GRIK1: variants seen among roughly 807,000 people sequenced by gnomAD.
The protein encoded by GRIK1 is glutamate receptor ionotropic, kainate 1.
In GRIK1, 69 loss-of-function variants were observed where a neutral mutation model predicts 105.7. The observed-to-expected ratio is 0.65, with a 90% CI of 0.54 to 0.80. The LOEUF is 0.80. GRIK1 is among the 30% of genes least tolerant of loss of function. The pLI, the probability that GRIK1 is intolerant of heterozygous loss-of-function variation, is 0.00. For missense variants in GRIK1, 1,109 were observed against 1,167.3 expected (o/e 0.95, Z 0.73); for synonymous variants, 438 against 431.3 (o/e 1.02, Z -0.19).
chr21:29,821,882 A>G (rs1477064411), intron 1 of GRIK1, among the ~76,000 whole-genome samples: 1 of 151,954 alleles, frequency 6.6e-6, no homozygotes, highest in Non-Finnish European at 1.5e-5. Flanking sequence ...CTTTTTATTA[A>G]TTGTTAAAAT....
At chr21:29,805,520 G>C (rs1212708605) in intron 1 of GRIK1, among the ~76,000 whole-genome samples, 1 of 152,166 alleles carries the variant, frequency 6.6e-6, no homozygotes, top group African/African-American at 2.4e-5. Flanking sequence ...AAATTTTGAA[G>C]ACTAAGAAGA....
At chr21:29,555,646 A>G (rs1043238363) in intron 15 of GRIK1, among the ~76,000 whole-genome samples, 1 of 152,174 alleles carries the variant, frequency 6.6e-6, no homozygotes, top group Non-Finnish European at 1.5e-5. Context: ...GCTAAAAATA[A>G]AATTCTAAGC....
At chr21:29,786,120 C>G (rs992410932) in intron 1 of GRIK1, among the ~76,000 whole-genome samples, 2 of 152,172 alleles carry the variant, frequency 1.3e-5, no homozygotes. Context: ...TCCGGAGTAG[C>G]TGGGATTACA....
chr21:29,594,048 G>C (rs1451575713), intron 9 of GRIK1, among the ~76,000 whole-genome samples: 1 of 152,182 alleles, frequency 6.6e-6, no homozygotes, highest in Non-Finnish European at 1.5e-5. Context: ...ACCTACAGAA[G>C]GTCCTTTAAA....
intron 6 of GRIK1, among the ~76,000 whole-genome samples, chr21:29,649,633 C>A (rs1266631459): frequency 6.6e-6 from 1 of 152,170 alleles, no homozygotes; most frequent in South Asian, 2.1e-4. Context: ...CTTTGTTCAA[C>A]GATCTTCCTC....
At chr21:29,930,154 G>A (rs2255821) in intron 1 of GRIK1, among the ~76,000 whole-genome samples, 103,800 of 151,922 alleles carry the variant, frequency 0.68, 35,667 homozygotes, top group East Asian at 0.83. Context: ...TTAGGGTTCA[G>A]ATTTTTCCTA....
At chr21:29,767,985 C>G (rs1286177372) in intron 1 of GRIK1, among the ~76,000 whole-genome samples, 1 of 151,990 alleles carries the variant, frequency 6.6e-6, no homozygotes, top group Non-Finnish European at 1.5e-5. Flanking sequence ...GGCTTCACTC[C>G]AGATAAAACT....
At chr21:29,772,743 A>G (rs1279848005) in intron 1 of GRIK1, among the ~76,000 whole-genome samples, 1 of 152,256 alleles carries the variant, frequency 6.6e-6, no homozygotes, top group Non-Finnish European at 1.5e-5. Flanking sequence ...GCAAAGAGCC[A>G]TCAACAAATT....
At chr21:29,707,621 G>C (rs984548006) in intron 1 of GRIK1, among the ~76,000 whole-genome samples, 6 of 151,696 alleles carry the variant, frequency 4.0e-5, no homozygotes, top group Non-Finnish European at 7.4e-5. Context: ...TCAGCCTCCC[G>C]AGTAGTTGGG....
chr21:29,608,213 G>T (rs1047063968), intron 7 of GRIK1, among the ~76,000 whole-genome samples: 1 of 152,118 alleles, frequency 6.6e-6, no homozygotes, highest in Non-Finnish European at 1.5e-5. Flanking sequence ...AAGAATGTAT[G>T]TGTCTCTAGG....
Position 29,939,524 on chromosome 21 carries a change from C to T in GRIK1, c.-24G>A. On this transcript the variant is annotated 5_prime_UTR_variant, in exon 1 of 18. Transcript: ENST00000327783. ...ATCTTCCTAGCTTCTTAATTCATGC[C>T]GAGATACAGCCGCTGCCGGACGCCC... 1.4e-6 allele frequency: 2 copies of T among 1,449,646 alleles called. No homozygotes were observed. Among genetic ancestry groups the T allele is most frequent in the Non-Finnish European group, 1.9e-6 (2 of 1,062,698 alleles). The allele number at this position is 1,449,646 out of a possible 1,614,324, so 89.8% of individuals were successfully genotyped here.
intron 7 of GRIK1, among the ~76,000 whole-genome samples, chr21:29,608,808 G>A (rs1422854860): frequency 6.6e-6 from 1 of 152,144 alleles, no homozygotes; most frequent in Non-Finnish European, 1.5e-5. Context: ...ACTTCAAACA[G>A]TCATTGGTAT....
intron 14 of GRIK1, 143 bp from the exon 15 acceptor site, chr21:29,561,992 GC>G: frequency 1.6e-6 from 1 of 627,692 alleles, no homozygotes; most frequent in Middle Eastern, 2.8e-4. Context: ...TGATCTCAAG[GC>G]TTCACTTTTG....
rs531215145 is a variant in GRIK1 at position 29,553,864 on chromosome 21, T to C, written c.2607+1188A>G. Among the ~76,000 whole-genome samples, 34 of 152,292 alleles carry C rather than the reference T, an allele frequency of 2.2e-4. No homozygotes were observed. The South Asian group carries it at 6.8e-3, about 31-fold the overall frequency. On this transcript the variant is annotated intron_variant, in intron 16 of 17. Transcript: ENST00000327783. Reference sequence around the variant, plus strand: ...GCTTTTATTTTCCAAATTAGTTGCATAAAACAAGACACCTCAAGAGCAAAT... The same window carrying C: ...GCTTTTATTTTCCAAATTAGTTGCACAAAACAAGACACCTCAAGAGCAAAT...
At chr21:29,753,251 T>C (rs1361614965) in intron 1 of GRIK1, among the ~76,000 whole-genome samples, 1 of 152,246 alleles carries the variant, frequency 6.6e-6, no homozygotes, top group African/African-American at 2.4e-5. Context: ...CTCTTCTTCA[T>C]GTATAATAAA....
At chr21:29,721,714 G>A (rs1262608599) in intron 1 of GRIK1, among the ~76,000 whole-genome samples, 1 of 152,142 alleles carries the variant, frequency 6.6e-6, no homozygotes, top group African/African-American at 2.4e-5. Flanking sequence ...GGTGTCCCAG[G>A]ATTAACAGCC....
intron 2 of GRIK1, among the ~76,000 whole-genome samples, chr21:29,693,094 T>A (rs556266955): frequency 6.6e-6 from 1 of 152,194 alleles, no homozygotes; most frequent in African/African-American, 2.4e-5. Flanking sequence ...AGGCAAGGAT[T>A]CCTCTCTGAG....
intron 1 of GRIK1, among the ~76,000 whole-genome samples, chr21:29,903,783 C>A (rs1204201733): frequency 6.6e-6 from 1 of 152,100 alleles, no homozygotes; most frequent in Middle Eastern, 3.2e-3. Flanking sequence ...GGCCTATACC[C>A]AAAGGATTAT....
chr21:29,736,527 T>C (rs403677), intron 1 of GRIK1, among the ~76,000 whole-genome samples: 148,528 of 152,200 alleles, frequency 0.98, 72,578 homozygotes, highest in East Asian at 1. Context: ...CTGTACCTGG[T>C]CCTGAAAATT....
Sources: gnomAD v4.1 joint callset for allele counts (sites outside exome capture counted in the v4.1 genomes callset) on GRCh38, gnomAD v4.1.1 for gene constraint, MANE v1.5 for transcripts, NCBI Gene and HGNC (gene_info 2026-07-23, HGNC 2026-07-21) for gene names.